Variants in MMP16 observed in about 807,000 individuals in gnomAD.
The protein encoded by MMP16 is matrix metallopeptidase 16.
Under a neutral mutation model 67.8 loss-of-function variants are expected in MMP16, and 12 were observed. That is an observed-to-expected ratio of 0.18 (90% CI 0.11 to 0.29). The LOEUF is 0.29. Among genes scored for constraint, MMP16 ranks in the 10% least tolerant of loss-of-function variants. The pLI, the probability that MMP16 is intolerant of heterozygous loss-of-function variation, is 1.00. For missense variants in MMP16, 475 were observed against 765.7 expected (o/e 0.62, Z 4.48); for synonymous variants, 249 against 255.9 (o/e 0.97, Z 0.26).
chr8:88,109,741 G>A (rs1809302054), intron 6 of MMP16, among the ~76,000 whole-genome samples: 1 of 151,146 alleles, frequency 6.6e-6, no homozygotes, highest in African/African-American at 2.4e-5. Flanking sequence ...AGTATGAATT[G>A]TGAATATAAG....
chr8:88,088,322 T>C (rs969815092), intron 6 of MMP16, among the ~76,000 whole-genome samples: 3 of 151,494 alleles, frequency 2.0e-5, no homozygotes, highest in African/African-American at 4.9e-5. Flanking sequence ...CCTGAGCAAG[T>C]GTAGAGGCCT....
chr8:88,311,338 A>G (rs1297594884), intron 1 of MMP16, among the ~76,000 whole-genome samples: 1 of 152,148 alleles, frequency 6.6e-6, no homozygotes, highest in Non-Finnish European at 1.5e-5. Flanking sequence ...GTGTCCTAAA[A>G]CTTTCAGGAA....
In MMP16 at chr8:88,167,813, C is replaced by T; in HGVS notation, c.565G>A (p.Ala189Thr). Residue 189 changes from alanine to threonine, a missense_variant, in exon 4 of 10, where the codon GCA (alanine) becomes ACA (threonine). Ala to Thr is a moderately conservative substitution (Grantham distance 58, BLOSUM62 0). This residue lies in a region of MMP16 where 170 missense variants were observed against 239.6 expected (regional missense o/e 0.71). Transcript: ENST00000286614. ...KRDVDITIIFASGFHGDSSPF... is the reference protein window; with the variant it reads ...KRDVDITIIFTSGFHGDSSPF... ...GAGCTGTCCCCATGGAAACCAGATG[C>T]AAAAATAATGGTTATATCCACATCA... 6.2e-7 allele frequency: 1 copy of T among 1,613,980 alleles called. No homozygotes were observed. Among genetic ancestry groups the T allele is most frequent in the Non-Finnish European group, 8.5e-7 (1 of 1,179,966 alleles).
chr8:88,202,400 C>G (rs994886575), intron 1 of MMP16, among the ~76,000 whole-genome samples: 5 of 152,122 alleles, frequency 3.3e-5, no homozygotes, highest in African/African-American at 1.2e-4. Context: ...GTTTTCCAAT[C>G]TGCATAAAGT....
rs919601191 is a variant in MMP16, at chr8:88,040,153, G to T, written c.*1308C>A. The T allele has an allele frequency of 2.6e-5, 4 of 152,466 alleles. No homozygotes were observed. The highest frequency in any genetic ancestry group is 7.2e-5 in the African/African-American group (3 of 41,392). 9.4% of individuals were successfully genotyped at this position (152,466 alleles called of 1,614,324 possible). On this transcript the variant is annotated 3_prime_UTR_variant, in exon 10 of 10. Transcript: ENST00000286614. ...AGTATGCCTAAAAAAAAGAAAAGAA[G>T]ACTTAGGCTATTATCAGTTTTTCAA...
chr8:88,068,555 T>G (rs889999409), intron 7 of MMP16, among the ~76,000 whole-genome samples: 6 of 152,170 alleles, frequency 3.9e-5, no homozygotes, highest in African/African-American at 1.4e-4. Context: ...GACCATATTT[T>G]CGTATAGTAC....
chr8:88,141,458 T>C (rs1306556188), intron 4 of MMP16, among the ~76,000 whole-genome samples: 1 of 152,188 alleles, frequency 6.6e-6, no homozygotes, highest in Non-Finnish European at 1.5e-5. Flanking sequence ...TTCGAGTGGT[T>C]GAATCTGTGT....
chr8:88,197,222 G>A lies in MMP16; in HGVS notation c.217C>T (p.Leu73=), dbSNP rs747965900. 1.2e-6 allele frequency: 2 copies of A among 1,612,014 alleles called. No individual in the cohort carries two copies. The highest frequency in any genetic ancestry group is 2.7e-5 in the African/African-American group (2 of 74,818). Residue 73 remains leucine (L), a synonymous_variant, in exon 2 of 10, where the codon CTA becomes TTA. Transcript: ENST00000286614. ...LRSAETMQSA[L]AAMQQFYGIN... is the part of the protein sequence containing the mutation. ...CCATAGAACTGCTGCATGGCAGCTA[G>A]GGCAGACTGCATGGTCTCTGCAGAG...
intron 7 of MMP16, among the ~76,000 whole-genome samples, chr8:88,068,162 A>G (rs568453359): frequency 1.2e-3 from 176 of 152,262 alleles, no homozygotes; most frequent in African/African-American, 4.1e-3. Context: ...CCTAATGACT[A>G]ATAATGTAAA....
chr8:88,280,149 A>C (rs1008065141), intron 1 of MMP16, among the ~76,000 whole-genome samples: 13 of 152,214 alleles, frequency 8.5e-5, no homozygotes, highest in Admixed American at 8.5e-4. Flanking sequence ...ATCTGTTTTA[A>C]GTGGCAAAAT....
intron 1 of MMP16, among the ~76,000 whole-genome samples, chr8:88,291,022 T>C (rs76199022): frequency 0.1 from 15,437 of 152,200 alleles, 940 homozygotes; most frequent in South Asian, 0.17. Flanking sequence ...GACTCATGCC[T>C]GTAATCTCAC....
At chr8:88,285,124 ATTTG>A (rs1041547798) in intron 1 of MMP16, among the ~76,000 whole-genome samples, 14 of 151,732 alleles carry the variant, frequency 9.2e-5, no homozygotes, top group African/African-American at 3.4e-4. Flanking sequence ...TTTTTTGTTT[ATTTG>A]TTTTTGTTGT....
intron 6 of MMP16, among the ~76,000 whole-genome samples, chr8:88,114,315 C>T (rs1200411770): frequency 1.3e-5 from 2 of 151,768 alleles, no homozygotes; most frequent in Non-Finnish European, 2.9e-5. Flanking sequence ...TGCTGTACCA[C>T]CCACTTCTTT....
intron 1 of MMP16, among the ~76,000 whole-genome samples, chr8:88,311,829 T>C (rs1456619613): frequency 1.3e-5 from 2 of 151,526 alleles, no homozygotes; most frequent in Non-Finnish European, 2.9e-5. Context: ...TAATGAGAGG[T>C]CTTGCATGCC....
At chr8:88,144,387 T>C (rs929456407) in intron 4 of MMP16, among the ~76,000 whole-genome samples, 4 of 151,888 alleles carry the variant, frequency 2.6e-5, no homozygotes, top group African/African-American at 4.8e-5. Flanking sequence ...TAAATTACAA[T>C]ATTTAAAATT....
intron 4 of MMP16, among the ~76,000 whole-genome samples, chr8:88,151,239 C>A (rs1430863390): frequency 1.8e-3 from 251 of 135,870 alleles, no homozygotes; most frequent in African/African-American, 6.7e-3. Flanking sequence ...TACAAAGAGA[C>A]TTAGACTCCC....
chr8:88,270,633 A>T lies in MMP16; in HGVS notation c.132+56442T>A, dbSNP rs752693632. ...AATTAAATGGTTATTGAATTAATAA[A>T]TGCCTGGCCTGAGCCTATATAAAGT... On this transcript the variant is annotated intron_variant, in intron 1 of 9. Coordinates refer to ENST00000286614, the MANE Select transcript of MMP16 (RefSeq NM_005941.5). Among the ~76,000 whole-genome samples, 9 of 152,220 alleles carry T rather than the reference A, an allele frequency of 5.9e-5. No individual in the cohort carries two copies. The East Asian group carries it at 1.7e-3, about 29-fold the overall frequency.
chr8:88,116,112 C>T (rs1189397228), intron 6 of MMP16, among the ~76,000 whole-genome samples: 1 of 152,008 alleles, frequency 6.6e-6, no homozygotes, highest in African/African-American at 2.4e-5. Flanking sequence ...AATGAAATTA[C>T]AGGGATCTCA....
At chr8:88,135,292 C>T (rs1246199638) in intron 4 of MMP16, among the ~76,000 whole-genome samples, 1 of 151,744 alleles carries the variant, frequency 6.6e-6, no homozygotes, top group Non-Finnish European at 1.5e-5. Context: ...CAGAGATATC[C>T]TTTCAATAGC....
Sources: allele counts gnomAD v4.1 joint callset (sites outside exome capture counted in the v4.1 genomes callset), GRCh38; gene constraint gnomAD v4.1.1; regional missense constraint gnomAD v4.1.1; transcripts MANE v1.5; gene names NCBI Gene and HGNC (gene_info 2026-07-23, HGNC 2026-07-21).